Variants in SLCO6A1 observed in about 807,000 individuals in gnomAD.
SLCO6A1 encodes the protein cancer/testis antigen 48.
In SLCO6A1, 65 loss-of-function variants were observed where a neutral mutation model predicts 72.7. The ratio of observed to expected loss-of-function variants is 0.89; its 90% confidence interval spans 0.73 to 1.10. The LOEUF (loss-of-function observed/expected upper bound fraction) is 1.10, where lower values mean the gene tolerates loss of function less well. Ranked by LOEUF, SLCO6A1 falls within the 50% of genes least tolerant of loss-of-function variation. The probability of loss-of-function intolerance (pLI) is 0.00; values close to 1 mark genes in which losing one functional copy is unlikely to be tolerated. For missense variants in SLCO6A1, 874 were observed against 872.6 expected (o/e 1.00, Z -0.02); for synonymous variants, 314 against 298.2 (o/e 1.05, Z -0.55).
At chr5:102,418,549 A>G (rs763239593) in intron 8 of SLCO6A1, among the ~76,000 whole-genome samples, 13 of 152,080 alleles carry the variant, frequency 8.5e-5, no homozygotes, top group Admixed American at 1.3e-4. Context: ...TTGGATAATT[A>G]TTGCTACTGA....
At chr5:102,421,669 G>A (rs950338511) in intron 7 of SLCO6A1, among the ~76,000 whole-genome samples, 2 of 152,170 alleles carry the variant, frequency 1.3e-5, no homozygotes, top group African/African-American at 4.8e-5. Context: ...AGAGCACCTG[G>A]GGGAAGGGGT....
intron 1 of SLCO6A1, among the ~76,000 whole-genome samples, chr5:102,492,239 G>A (rs534396699): frequency 6.6e-6 from 1 of 152,174 alleles, no homozygotes; most frequent in Non-Finnish European, 1.5e-5. Context: ...TGGAAAGAAT[G>A]GACAATATGC....
At chr5:102,382,136 T>C (rs1285576745) in intron 12 of SLCO6A1, among the ~76,000 whole-genome samples, 2 of 151,714 alleles carry the variant, frequency 1.3e-5, no homozygotes, top group African/African-American at 4.8e-5. Flanking sequence ...GTTACATATA[T>C]TACATTTAAG....
chr5:102,389,312 C>A (rs115195011), intron 11 of SLCO6A1, among the ~76,000 whole-genome samples: 1 of 151,998 alleles, frequency 6.6e-6, no homozygotes, highest in African/African-American at 2.4e-5. Flanking sequence ...TATAGTAGCC[C>A]CAGATTCAGA....
chr5:102,454,488 G>C (rs1750597749), intron 6 of SLCO6A1, among the ~76,000 whole-genome samples: 1 of 152,166 alleles, frequency 6.6e-6, no homozygotes, highest in Admixed American at 6.5e-5. Flanking sequence ...AATTCTAAAA[G>C]TGCCACCTTC....
intron 13 of SLCO6A1, 77 bp from the exon 14 acceptor site, chr5:102,372,200 G>T (rs1750660993): frequency 1.3e-5 from 2 of 152,112 alleles, no homozygotes; most frequent in South Asian, 4.1e-4. Context: ...TTTTTAAAAT[G>T]CATGTTGAAA....
At chr5:102,489,553 C>T (rs914541146) in intron 1 of SLCO6A1, among the ~76,000 whole-genome samples, 1 of 151,808 alleles carries the variant, frequency 6.6e-6, no homozygotes, top group African/African-American at 2.4e-5. Context: ...AAATCAAAAT[C>T]ATAAGATATC....
intron 3 of SLCO6A1, among the ~76,000 whole-genome samples, chr5:102,476,020 C>T (rs1487607382): frequency 6.6e-6 from 1 of 151,924 alleles, no homozygotes; most frequent in Non-Finnish European, 1.5e-5. Context: ...GATGCAAAAG[C>T]ATAAGAATGA....
chr5:102,393,247 G>A (rs1746869502), intron 10 of SLCO6A1, among the ~76,000 whole-genome samples: 1 of 152,074 alleles, frequency 6.6e-6, no homozygotes, highest in Non-Finnish European at 1.5e-5. Flanking sequence ...CCTCACATTA[G>A]GATCCTTCAA....
intron 7 of SLCO6A1, 144 bp from the exon 8 acceptor site, chr5:102,420,165 A>G (rs541567171): frequency 1.3e-6 from 1 of 754,328 alleles, no homozygotes; most frequent in East Asian, 3.2e-5. Flanking sequence ...AGTTATGCTA[A>G]ATAGCTTGAC....
At position 102,390,991 on chromosome 5, in the gene SLCO6A1, C is replaced by CA. The variant is rs1351839362; in HGVS notation, c.1868dup (p.Leu623PhefsTer14). On this transcript the variant is annotated frameshift_variant, in exon 11 of 14. Transcript: ENST00000506729. LOFTEE classifies it high-confidence loss of function. ...GCCAAAAATCCATACCAAATATTCT[C>CA]AAAATCACATAGCTTACACCCAAGG... The CA allele has an allele frequency of 6.2e-7, 1 of 1,613,418 alleles. No homozygotes were observed. Among genetic ancestry groups the CA allele is most frequent in the South Asian group, 1.1e-5 (1 of 91,016 alleles).
rs34326156 is a variant in SLCO6A1, at chr5:102,478,274, G to GTATA, written c.617-417_617-414dup. On this transcript the variant is annotated intron_variant, in intron 2 of 13. Transcript: ENST00000506729. The stretch of plus-strand genomic sequence containing the variant: ...TATATATGTGTGCATAAATATGTTT[G>GTATA]TATATATATGCATTTGCACATAGAC... Among the ~76,000 whole-genome samples the GTATA allele has an allele frequency of 8.5e-4, 130 of 152,152 alleles. 2 individuals are homozygous for GTATA. The East Asian group carries it at 0.019, about 22-fold the overall frequency.
At chr5:102,498,420 C>G in intron 1 of SLCO6A1, 67 bp downstream of exon 1, 1 of 1,479,878 alleles carries the variant, frequency 6.8e-7, no homozygotes, top group Non-Finnish European at 9.2e-7. Context: ...GCCATACTCC[C>G]TCTCCCGCCT....
chr5:102,495,217 G>A (rs1752854722), intron 1 of SLCO6A1, among the ~76,000 whole-genome samples: 1 of 152,168 alleles, frequency 6.6e-6, no homozygotes, highest in Admixed American at 6.5e-5. Context: ...AGTAGGTCAA[G>A]GTCACCTAAG....
At chr5:102,491,489 G>C (rs1032798050) in intron 1 of SLCO6A1, among the ~76,000 whole-genome samples, 4 of 152,232 alleles carry the variant, frequency 2.6e-5, no homozygotes, top group African/African-American at 9.6e-5. Context: ...CCACGGAGGT[G>C]GGGGAGGCTC....
At chr5:102,458,027 C>T (rs1458229113) in intron 6 of SLCO6A1, among the ~76,000 whole-genome samples, 1 of 152,004 alleles carries the variant, frequency 6.6e-6, no homozygotes, top group African/African-American at 2.4e-5. Flanking sequence ...TGCACGTTCT[C>T]ACTCATAGGT....
chr5:102,404,451 C>G (rs143430102), intron 9 of SLCO6A1, among the ~76,000 whole-genome samples: 1 of 151,954 alleles, frequency 6.6e-6, no homozygotes, highest in African/African-American at 2.4e-5. Context: ...GCCAAGATCT[C>G]GCCACTGCTG....
At chr5:102,376,671 T>C (rs1261497676) in intron 12 of SLCO6A1, among the ~76,000 whole-genome samples, 1 of 152,096 alleles carries the variant, frequency 6.6e-6, no homozygotes, top group Non-Finnish European at 1.5e-5. Flanking sequence ...TAATACAAAA[T>C]GAGCTAATTG....
chr5:102,437,135 A>T (rs1433182748), intron 7 of SLCO6A1, among the ~76,000 whole-genome samples: 1 of 152,156 alleles, frequency 6.6e-6, no homozygotes, highest in Non-Finnish European at 1.5e-5. Context: ...ATTAGAAACT[A>T]TAGGGCAAAA....
Sources: gnomAD v4.1 joint callset for allele counts (sites outside exome capture counted in the v4.1 genomes callset) on GRCh38, gnomAD v4.1.1 for gene constraint, MANE v1.5 for transcripts, NCBI Gene and HGNC (gene_info 2026-07-23, HGNC 2026-07-21) for gene names.